The following ITK variants were observed in gnomAD, a reference collection of about 807,000 sequenced individuals.
The protein encoded by ITK is IL2 inducible T cell kinase.
A neutral mutation model predicts 87.6 loss-of-function variants in ITK; 45 were observed. That is an observed-to-expected ratio of 0.51 (90% CI 0.40 to 0.66). The LOEUF (loss-of-function observed/expected upper bound fraction) is 0.66. Ranked by LOEUF, ITK falls within the 30% of genes least tolerant of loss-of-function variation. The pLI is 0.00. For synonymous variants in ITK, 303 were observed against 273.6 expected (o/e 1.11, Z -1.06); for missense variants, 605 against 766.3 (o/e 0.79, Z 2.48).
Position 157,245,737 on chromosome 5 carries a change from T to G in ITK, c.1461T>G (p.Asn487Lys), listed in dbSNP as rs1228858272. The G allele has an allele frequency of 6.2e-7, 1 of 1,614,078 alleles. No individual in the cohort carries two copies. The highest frequency in any genetic ancestry group is 8.5e-7 in the Non-Finnish European group (1 of 1,179,976). The change falls in exon 14 of 17, where the codon AAT (asparagine) becomes AAG (lysine). Residue 487 changes from asparagine (N) to lysine (K), a missense_variant. By Grantham distance (94) the Asn-to-Lys change is moderately conservative. Around this residue, in one of 3 missense-constraint regions of ITK, gnomAD observed 70 missense variants for 122.5 expected, o/e 0.57. Coordinates refer to ENST00000422843, the MANE Select transcript of ITK (RefSeq NM_005546.4). ...CVIHRDLAAR[N>K]CLVGENQVIK... ...TGTCTCCTCTCCAGGCTGCCAGAAATTGTTTGGTGGGAGAAAACCAAGTCA... is the reference window on the plus strand; with the variant it reads ...TGTCTCCTCTCCAGGCTGCCAGAAAGTGTTTGGTGGGAGAAAACCAAGTCA...
chr5:157,186,438 G>T (rs1753645224), intron 1 of ITK, among the ~76,000 whole-genome samples: 1 of 151,840 alleles, frequency 6.6e-6, no homozygotes, highest in African/African-American at 2.4e-5. Context: ...ACTTTGGGAG[G>T]CTGGGGCAGG....
At chr5:157,249,726 T>A (rs932751953) in intron 16 of ITK, among the ~76,000 whole-genome samples, 6 of 152,256 alleles carry the variant, frequency 3.9e-5, no homozygotes, top group Non-Finnish European at 7.3e-5. Context: ...TTCTCTGAAC[T>A]TCCTTTTTCT....
chr5:157,234,545 T>A (rs1412446785), intron 8 of ITK, among the ~76,000 whole-genome samples: 1 of 152,226 alleles, frequency 6.6e-6, no homozygotes, highest in Non-Finnish European at 1.5e-5. Context: ...ATGGCGTATA[T>A]GTGCCACATT....
intron 4 of ITK, among the ~76,000 whole-genome samples, chr5:157,215,315 G>A (rs1754277239): frequency 6.6e-6 from 1 of 151,986 alleles, no homozygotes; most frequent in Admixed American, 6.6e-5. Flanking sequence ...ACTTAATACT[G>A]AAAATTGGCA....
rs779360764 is a variant in ITK at position 157,254,390 on chromosome 5, G to A, written c.*1712G>A. 9.0e-6 allele frequency: 2 copies of A among 223,074 alleles called. No individual in the cohort carries two copies. Among genetic ancestry groups the A allele is most frequent in the Non-Finnish European group, 1.8e-5 (2 of 111,798 alleles). The allele number at this position is 223,074 out of a possible 1,614,324, so 13.8% of individuals were successfully genotyped here. ...AAGCCATTTATAGACGAGCTTCAAA[G>A]CAACTTTAAAAGATTCTTCTGTAGA... On this transcript the variant is annotated 3_prime_UTR_variant, in exon 17 of 17. Coordinates refer to ENST00000422843, the MANE Select transcript of ITK (RefSeq NM_005546.4).
At chr5:157,250,427 T>C (rs1444992412) in intron 16 of ITK, among the ~76,000 whole-genome samples, 2 of 152,140 alleles carry the variant, frequency 1.3e-5, no homozygotes, top group Non-Finnish European at 2.9e-5. Flanking sequence ...TAATATTCCA[T>C]TGTATGGATA....
At chr5:157,208,054 T>C (rs1754117187) in intron 1 of ITK, among the ~76,000 whole-genome samples, 1 of 152,188 alleles carries the variant, frequency 6.6e-6, no homozygotes. Flanking sequence ...GAATTCTCAA[T>C]GGCAGCTCAA....
intron 1 of ITK, among the ~76,000 whole-genome samples, chr5:157,204,717 A>G (rs534336121): frequency 4.6e-5 from 7 of 151,744 alleles, no homozygotes; most frequent in African/African-American, 1.2e-4. Flanking sequence ...AAAAAAGAGA[A>G]AAAAAAAAGA....
chr5:157,240,633 AT>A, intron 10 of ITK: 1 of 214,020 alleles, frequency 4.7e-6, no homozygotes, highest in Non-Finnish European at 9.5e-6. Flanking sequence ...TGGTGCCGGC[AT>A]CTTCTTGGCT....
intron 5 of ITK, among the ~76,000 whole-genome samples, chr5:157,219,934 G>A (rs1754380231): frequency 6.6e-6 from 1 of 152,198 alleles, no homozygotes; most frequent in Non-Finnish European, 1.5e-5. Flanking sequence ...GAGGAGCATC[G>A]TGGATACTGT....
At chr5:157,182,353 T>TC (rs1189668793) in intron 1 of ITK, among the ~76,000 whole-genome samples, 4 of 152,094 alleles carry the variant, frequency 2.6e-5, no homozygotes, top group Non-Finnish European at 5.9e-5. Context: ...CCAGAGGAGG[T>TC]CAGGCTGGGT....
intron 1 of ITK, among the ~76,000 whole-genome samples, chr5:157,202,271 T>C (rs1484008185): frequency 1.3e-5 from 2 of 152,192 alleles, no homozygotes; most frequent in African/African-American, 4.8e-5. Flanking sequence ...TGGAATGCAG[T>C]GGCACGATCT....
chr5:157,197,520 G>A (rs1753876234), intron 1 of ITK, among the ~76,000 whole-genome samples: 1 of 152,164 alleles, frequency 6.6e-6, no homozygotes, highest in South Asian at 2.1e-4. Context: ...CTGCCACAGT[G>A]GAACCTACAA....
In ITK at chr5:157,208,179, C is replaced by T. The variant is rs182897457; in HGVS notation, c.139-710C>T. 7.7e-4 allele frequency among the ~76,000 whole-genome samples: 117 copies of T among 152,238 alleles called. 1 individual carries two copies. The highest frequency in any genetic ancestry group is 6.3e-4 in the Non-Finnish European group (43 of 68,018). ...TTCCATTGGCTAAAGCATCAAATCC[C>T]CTGAGATCCATTCTCCAAGCACAAG... On this transcript the variant is annotated intron_variant, in intron 1 of 16. Transcript: ENST00000422843.
At chr5:157,244,129 A>C in intron 12 of ITK, 133 bp from the exon 13 acceptor site, 1 of 813,456 alleles carries the variant, frequency 1.2e-6, no homozygotes, top group Non-Finnish European at 2.1e-6. Flanking sequence ...TGTTTTGGGG[A>C]GGGAATGAAT....
At chr5:157,191,352 G>C (rs1753750916) in intron 1 of ITK, among the ~76,000 whole-genome samples, 1 of 152,076 alleles carries the variant, frequency 6.6e-6, no homozygotes, top group Admixed American at 6.6e-5. Context: ...GATCAACACT[G>C]AGCTCAGATA....
chr5:157,224,891 C>T (rs887973188), intron 6 of ITK, among the ~76,000 whole-genome samples: 2 of 151,984 alleles, frequency 1.3e-5, no homozygotes, highest in African/African-American at 4.8e-5. Flanking sequence ...TATTTGTTTC[C>T]TCTGCTGTTT....
chr5:157,225,697 A>G (rs1754517827), intron 6 of ITK, among the ~76,000 whole-genome samples: 1 of 152,130 alleles, frequency 6.6e-6, no homozygotes, highest in Non-Finnish European at 1.5e-5. Context: ...CCTCGTCTGG[A>G]ACCTCCCTTT....
intron 1 of ITK, among the ~76,000 whole-genome samples, chr5:157,186,301 T>C (rs776083879): frequency 6.6e-6 from 1 of 152,084 alleles, no homozygotes; most frequent in Non-Finnish European, 1.5e-5. Context: ...ACCTCTACGT[T>C]TTCCACAAAT....
Sources: allele counts gnomAD v4.1 joint callset (sites outside exome capture counted in the v4.1 genomes callset), GRCh38; gene constraint gnomAD v4.1.1; regional missense constraint gnomAD v4.1.1; transcripts MANE v1.5; gene names NCBI Gene and HGNC (gene_info 2026-07-23, HGNC 2026-07-21).